The following PDE1C variants were observed in gnomAD, a reference collection of about 807,000 sequenced individuals.
PDE1C encodes the protein phosphodiesterase 1C.
In PDE1C, 62 loss-of-function variants were observed where a neutral mutation model predicts 93.1. The ratio of observed to expected loss-of-function variants is 0.67; its 90% CI spans 0.54 to 0.82. PDE1C has a LOEUF of 0.82. Among genes scored for constraint, PDE1C ranks in the 40% least tolerant of loss-of-function variants. The pLI is 0.00. For missense variants in PDE1C, 742 were observed against 884.6 expected, an observed-to-expected ratio of 0.84 and a Z score of 2.04; for synonymous variants, 325 against 310.1, an observed-to-expected ratio of 1.05 and a Z score of -0.50.
chr7:31,811,656 C>T (rs1787562761), intron 15 of PDE1C, among the ~76,000 whole-genome samples: 1 of 152,066 alleles, frequency 6.6e-6, no homozygotes, highest in Admixed American at 6.6e-5. Flanking sequence ...TTTAAGCCCT[C>T]TAGGTTGCTC....
intron 1 of PDE1C, among the ~76,000 whole-genome samples, chr7:32,416,013 G>C (rs1247770509): frequency 6.6e-6 from 1 of 152,178 alleles, no homozygotes; most frequent in Non-Finnish European, 1.5e-5. Context: ...GCTCCACCAG[G>C]GTGGAGGGGC....
At chr7:31,774,826 G>A (rs536434984) in intron 17 of PDE1C, among the ~76,000 whole-genome samples, 43 of 152,248 alleles carry the variant, frequency 2.8e-4, no homozygotes, top group African/African-American at 8.2e-4. Context: ...AGGAAGGAGA[G>A]GTAATCTTGG....
At chr7:31,657,434 T>C in the PDE1C span, among the ~76,000 whole-genome samples, 13 of 152,314 alleles carry the variant, frequency 8.5e-5, no homozygotes, top group African/African-American at 3.1e-4. Context: ...ATAGAAAAAT[T>C]TGAAAAACAT....
intron 2 of PDE1C, among the ~76,000 whole-genome samples, chr7:31,955,243 A>G (rs1166702145): frequency 1.3e-5 from 2 of 152,262 alleles, no homozygotes; most frequent in South Asian, 2.1e-4. Flanking sequence ...GCACAATTCA[A>G]TGTGGCTTCT....
At chr7:31,619,599 C>T in the PDE1C span, among the ~76,000 whole-genome samples, 1 of 151,968 alleles carries the variant, frequency 6.6e-6, no homozygotes, top group Non-Finnish European at 1.5e-5. Context: ...AAAGAGTGTT[C>T]TTTTAACAGT....
At chr7:32,179,347 C>A (rs1489465020) in intron 2 of PDE1C, among the ~76,000 whole-genome samples, 1 of 151,098 alleles carries the variant, frequency 6.6e-6, no homozygotes, top group Admixed American at 6.6e-5. Context: ...GCAACCTCCA[C>A]CTCCCAGGTT....
chr7:31,909,564 G>A (rs1397344617), intron 2 of PDE1C, among the ~76,000 whole-genome samples: 1 of 152,088 alleles, frequency 6.6e-6, no homozygotes, highest in Non-Finnish European at 1.5e-5. Context: ...TCAATTCTGA[G>A]ATGCATTCAT....
At chr7:31,948,731 C>A (rs886602509) in intron 2 of PDE1C, among the ~76,000 whole-genome samples, 2 of 152,002 alleles carry the variant, frequency 1.3e-5, no homozygotes, top group African/African-American at 2.4e-5. Context: ...TTCCATCATC[C>A]TAATACCTAG....
At chr7:31,674,934 C>G in the PDE1C span, among the ~76,000 whole-genome samples, 1 of 152,160 alleles carries the variant, frequency 6.6e-6, no homozygotes, top group Non-Finnish European at 1.5e-5. Context: ...AACTTCCCAG[C>G]AGCTAAGGAT....
chr7:32,325,010 A>G (rs1209572777), intron 1 of PDE1C, among the ~76,000 whole-genome samples: 1 of 152,192 alleles, frequency 6.6e-6, no homozygotes, highest in Non-Finnish European at 1.5e-5. Flanking sequence ...TCCTAAACTT[A>G]TTTGACCAAG....
At chr7:32,004,450 G>A (rs1215027044) in intron 2 of PDE1C, among the ~76,000 whole-genome samples, 1 of 152,184 alleles carries the variant, frequency 6.6e-6, no homozygotes, top group South Asian at 2.1e-4. Context: ...TCCTCTGGCA[G>A]TAGAATACTC....
chr7:31,968,642 G>T (rs572379117), intron 2 of PDE1C, among the ~76,000 whole-genome samples: 1 of 152,062 alleles, frequency 6.6e-6, no homozygotes, highest in African/African-American at 2.4e-5. Context: ...AAAAGAGCCC[G>T]CATCGCCAGG....
chr7:31,919,462 A>G (rs1056898626), intron 2 of PDE1C, among the ~76,000 whole-genome samples: 1 of 152,210 alleles, frequency 6.6e-6, no homozygotes, highest in Non-Finnish European at 1.5e-5. Context: ...CCTCTGACAC[A>G]TAGTAACTAC....
intron 1 of PDE1C, among the ~76,000 whole-genome samples, chr7:32,420,524 A>G (rs923902267): frequency 2.0e-5 from 3 of 148,048 alleles, no homozygotes; most frequent in Admixed American, 1.4e-4. Flanking sequence ...ACTGCACTCC[A>G]GCCTTGGCAA....
At chr7:32,372,934 G>T (rs1237212873) in intron 1 of PDE1C, among the ~76,000 whole-genome samples, 1 of 152,198 alleles carries the variant, frequency 6.6e-6, no homozygotes, top group Non-Finnish European at 1.5e-5. Flanking sequence ...CCACAAAGAT[G>T]TCTCAAATTT....
At chr7:32,285,059 G>T (rs1811914437) in intron 1 of PDE1C, among the ~76,000 whole-genome samples, 1 of 151,394 alleles carries the variant, frequency 6.6e-6, no homozygotes, top group African/African-American at 2.4e-5. Context: ...AAGAAAAAAA[G>T]AAAAAAATGC....
At chr7:32,098,565 G>C (rs1360306524) in intron 3 of PDE1C, among the ~76,000 whole-genome samples, 4 of 152,142 alleles carry the variant, frequency 2.6e-5, no homozygotes, top group African/African-American at 9.7e-5. Context: ...AAGTAGAAAG[G>C]TAGACACACA....
chr7:31,767,878 A>T (rs1795241502), intron 17 of PDE1C, among the ~76,000 whole-genome samples: 1 of 152,110 alleles, frequency 6.6e-6, no homozygotes, highest in South Asian at 2.1e-4. Flanking sequence ...TAAGGTCGTT[A>T]ATCCCATTTG....
chr7:31,660,515 AT>A, the PDE1C span, among the ~76,000 whole-genome samples: 95,932 of 149,102 alleles, frequency 0.64, 30,745 homozygotes, highest in East Asian at 0.82. Flanking sequence ...TTCCTCTCCC[AT>A]TTTTTTTTTT....
Sources: allele counts gnomAD v4.1 joint callset (sites outside exome capture counted in the v4.1 genomes callset), GRCh38; gene constraint gnomAD v4.1.1; transcripts MANE v1.5; gene names NCBI Gene and HGNC (gene_info 2026-07-23, HGNC 2026-07-21).